Variants in MFRP observed in about 807,000 individuals in gnomAD.
The protein encoded by MFRP is C1q and TNF related 5.
A neutral mutation model predicts 65.8 loss-of-function variants in MFRP; 74 were observed. That is an observed-to-expected ratio of 1.12 (90% CI 0.93 to 1.36). The LOEUF (loss-of-function observed/expected upper bound fraction) is 1.36. Among genes scored for constraint, MFRP ranks in the 40% most tolerant of loss-of-function variants. The pLI is 0.00. For synonymous variants in MFRP, 336 were observed against 288.3 expected, an observed-to-expected ratio of 1.17 and a Z score of -1.68; for missense variants, 838 against 736.0, an observed-to-expected ratio of 1.14 and a Z score of -1.60.
Position 119,340,267 on chromosome 11 carries a change from T to C in MFRP, c.*1027A>G, listed in dbSNP as rs11538245. The stretch of plus-strand genomic sequence containing the variant: ...GCGGCCATCGCGGCCCGGCAAGCCC[T>C]GGCTGCCATGGTGGCCCGGCGTGCC... On this transcript the variant is annotated 3_prime_UTR_variant, in exon 14 of 15. Transcript: ENST00000619721. 1.3e-6 allele frequency: 2 copies of C among 1,526,592 alleles called. No homozygotes were observed. The highest frequency in any genetic ancestry group is 1.8e-6 in the Non-Finnish European group (2 of 1,139,076). The allele number at this position is 1,526,592 out of a possible 1,614,324, so 94.6% of individuals were successfully genotyped here.
rs565342229 is a variant in MFRP at position 119,341,432 on chromosome 11, G to A, written c.*116C>T. ...GGACTTCTCTTCCCCCTCCCTGGGAGCCCCAGAGAAGGATGGGTAGAGACC... is the reference window on the plus strand; with the variant it reads ...GGACTTCTCTTCCCCCTCCCTGGGAACCCCAGAGAAGGATGGGTAGAGACC... On this transcript the variant is annotated 3_prime_UTR_variant, in exon 13 of 15. Transcript: ENST00000619721. 3.5e-5 allele frequency: 29 copies of A among 835,064 alleles called. No individual in the cohort carries two copies. The African/African-American group carries it at 4.7e-4, about 14-fold the overall frequency. 51.7% of individuals were successfully genotyped at this position (835,064 alleles called of 1,614,324 possible). A position where few individuals can be genotyped will look rare whatever the true frequency, so the allele number is the denominator to read the frequency against.
chr11:119,344,434 G>A (rs756984694), intron 7 of MFRP, 43 bp from the exon 8 acceptor site: 10 of 1,591,714 alleles, frequency 6.3e-6, no homozygotes, highest in Admixed American at 1.7e-5. Flanking sequence ...TAGGATCTGT[G>A]CCTCCATCCA....
intron 8 of MFRP, 100 bp downstream of exon 8, chr11:119,344,215 G>C: frequency 2.5e-6 from 3 of 1,185,890 alleles, no homozygotes; most frequent in Non-Finnish European, 3.8e-6. Context: ...ACCTTCCCAA[G>C]TAGAAGGTAG....
chr11:119,341,387 G>A lies in MFRP; in HGVS notation c.*161C>T. 8 of 634,064 alleles carry A rather than the reference G, an allele frequency of 1.3e-5. No homozygotes were observed. In the South Asian group the frequency reaches 1.4e-4, roughly 11 times the overall value. 39.3% of individuals were successfully genotyped at this position (634,064 alleles called of 1,614,324 possible). Reference sequence around the variant, plus strand: ...AGGAAGGAGCAGGGAGGGTGGTAGGGTCCCATGAGCCCCAGCTGAGGACTT... The same window carrying A: ...AGGAAGGAGCAGGGAGGGTGGTAGGATCCCATGAGCCCCAGCTGAGGACTT... On this transcript the variant is annotated 3_prime_UTR_variant, in exon 13 of 15. Transcript: ENST00000619721.
rs1223287340 is a variant in MFRP, at chr11:119,346,047, G to A, written c.270C>T (p.Ala90=). 4 of 1,611,150 alleles carry A rather than the reference G, an allele frequency of 2.5e-6. No homozygotes were observed. The highest frequency in any genetic ancestry group is 3.4e-6 in the Non-Finnish European group (4 of 1,178,874). Residue 90 remains alanine, a splice_region_variant and synonymous_variant, in exon 3 of 15, where the codon GCC becomes GCT. Transcript: ENST00000619721. ...LLGLLVAIIL[A]QLQAAPPSGA... ...TTCAAGCTGTCCCCGGGTACTTACG[G>A]GCCAGGATGATGGCCACCAGCAGCC... is the stretch of plus-strand genomic sequence containing the variant.
rs757114094 is a variant in MFRP at position 119,343,969 on chromosome 11, G to A, written c.976-5C>T. On this transcript the variant is annotated splice_polypyrimidine_tract_variant and splice_region_variant and intron_variant, in intron 8 of 14. Coordinates refer to ENST00000619721, the MANE Select transcript of MFRP (RefSeq NM_031433.4). ...CGAGATATGCCAGGTGCAGAGCTGG[G>A]GGAGGGCATAGGTGGAGCAATTCAT... 4 of 1,612,138 alleles carry A rather than the reference G, an allele frequency of 2.5e-6. No homozygotes were observed. Among genetic ancestry groups the A allele is most frequent in the South Asian group, 1.1e-5 (1 of 91,004 alleles).
rs556112801 is a variant in MFRP at position 119,343,747 on chromosome 11, C to T, written c.1124+69G>A. The T allele has an allele frequency of 3.1e-4, 499 of 1,592,056 alleles. 6 individuals carry two copies. Among genetic ancestry groups the T allele is most frequent in the South Asian group, 2.8e-3 (252 of 90,328 alleles). ...AGCTGGAGAATGGAATGTGCTGGGC[C>T]GACATGGAAGCCGGGGGTGGCAGAC... On this transcript the variant is annotated intron_variant, in intron 9 of 14. Coordinates refer to ENST00000619721, the MANE Select transcript of MFRP (RefSeq NM_031433.4).
At chr11:119,345,678 T>C (rs1392578141) in intron 4 of MFRP, 45 bp from the exon 5 acceptor site, 1 of 1,611,800 alleles carries the variant, frequency 6.2e-7, no homozygotes, top group Non-Finnish European at 8.5e-7. Context: ...AGGAGTGAGG[T>C]CCTTTATTCT....
At chr11:119,344,040 C>A (rs1361962398) in intron 8 of MFRP, 76 bp from the exon 9 acceptor site, 4 of 1,583,536 alleles carry the variant, frequency 2.5e-6, no homozygotes, top group South Asian at 2.2e-5. Flanking sequence ...GGGTCTTCTT[C>A]CCCCACTGCT....
chr11:119,346,200 G>T, intron 2 of MFRP, 41 bp from the exon 3 acceptor site: 2 of 1,567,376 alleles, frequency 1.3e-6, no homozygotes, highest in Non-Finnish European at 1.7e-6. Flanking sequence ...CCCTTCTGTT[G>T]GGTATTCCTC....
chr11:119,344,283 C>A, intron 8 of MFRP, 32 bp downstream of exon 8: 1 of 1,599,416 alleles, frequency 6.3e-7, no homozygotes, highest in Non-Finnish European at 8.6e-7. Flanking sequence ...CCGTGTGTGC[C>A]CCTCCCGTTC....
In MFRP at chr11:119,339,505, G is replaced by A. The variant is rs758129925; in HGVS notation, c.*1454C>T. ...CCCCCCCCGAGAGCGAGGCTGGCTT[G>A]GGCCACCCCCCGAAAAACTGGAAGA... On this transcript the variant is annotated 3_prime_UTR_variant, in exon 15 of 15. Transcript: ENST00000619721. This position sits in a 1 kb window ranked among gnomAD's most constrained non-coding sequence, Gnocchi z 5.4. 1.2e-6 allele frequency: 2 copies of A among 1,613,688 alleles called. No individual in the cohort carries two copies. The highest frequency in any genetic ancestry group is 1.7e-6 in the Non-Finnish European group (2 of 1,179,994).
chr11:119,340,652 C>T, intron 13 of MFRP, 43 bp downstream of exon 13: 2 of 535,736 alleles, frequency 3.7e-6, no homozygotes, highest in Non-Finnish European at 3.3e-6. Flanking sequence ...GCCTTTCCCA[C>T]AGTCCCCTCC....
Position 119,343,875 on chromosome 11 carries a change from C to T in MFRP, c.1065G>A (p.Lys355=), listed in dbSNP as rs777649155. The T allele has an allele frequency of 3.1e-6, 5 of 1,613,986 alleles. No homozygotes were observed. Among genetic ancestry groups the T allele is most frequent in the Admixed American group, 1.7e-5 (1 of 60,020 alleles). Residue 355 remains lysine (K), a synonymous_variant, in exon 9 of 15, where the codon AAG becomes AAA. Transcript: ENST00000619721. The part of the protein sequence containing the change: ...NFSLEAQDEC[K]FDYVEVYETS... Reference sequence around the variant, plus strand: ...TCTCATACACCTCCACGTAGTCAAACTTGCACTCGTCCTGAGCCTCCAGGC... The same window carrying T: ...TCTCATACACCTCCACGTAGTCAAATTTGCACTCGTCCTGAGCCTCCAGGC...
chr11:119,342,795 T>C, intron 10 of MFRP, 68 bp from the exon 11 acceptor site: 1 of 1,613,090 alleles, frequency 6.2e-7, no homozygotes, highest in Admixed American at 1.7e-5. Context: ...CAGAGTGTCC[T>C]GACCAGGGTC....
At position 119,344,290 on chromosome 11, in the gene MFRP, G is replaced by A. The variant is rs373354558; in HGVS notation, c.975+25C>T. ...AGGTGCTTCCGTGTGTGCCCCTCCC[G>A]TTCTGCATGGAGCACTGTGCTTACC... On this transcript the variant is annotated intron_variant, in intron 8 of 14. Coordinates refer to ENST00000619721, the MANE Select transcript of MFRP (RefSeq NM_031433.4). 80 of 1,608,382 alleles carry A rather than the reference G, an allele frequency of 5.0e-5. No individual in the cohort carries two copies. The East Asian group carries it at 5.3e-4, about 11-fold the overall frequency.
In MFRP at chr11:119,343,958, T is replaced by G. The variant is rs750097436; in HGVS notation, c.982A>C (p.Thr328Pro). The part of the protein sequence containing the change: ...LQQYPHQLLC[T>P]WHISVPAGHS... ...CCGGCAGGCACCGAGATATGCCAGG[T>G]GCAGAGCTGGGGGAGGGCATAGGTG... Residue 328 changes from threonine to proline, a missense_variant, in exon 9 of 15, where the codon ACC (threonine) becomes CCC (proline). By Grantham distance (38) the Thr-to-Pro change is conservative (BLOSUM62 -1). Transcript: ENST00000619721. 1 of 1,611,226 alleles carries G rather than the reference T, an allele frequency of 6.2e-7. No homozygotes were observed. Among genetic ancestry groups the G allele is most frequent in the East Asian group, 2.2e-5 (1 of 44,814 alleles).
chr11:119,342,036 G>A (rs780782990), intron 11 of MFRP, 52 bp from the exon 12 acceptor site: 2 of 1,609,470 alleles, frequency 1.2e-6, no homozygotes, highest in South Asian at 1.1e-5. Context: ...TGGCTCTGTG[G>A]CCTGTGGCAA....
At position 119,341,489 on chromosome 11, in the gene MFRP, T is replaced by A. The variant is rs1950501852; in HGVS notation, c.*59A>T. ...ATGCTCCTTCCTTTGTTCCCCTGCGTGCCAGCCCTGACCGGCAAAAGAGGA... is the reference window on the plus strand; with the variant it reads ...ATGCTCCTTCCTTTGTTCCCCTGCGAGCCAGCCCTGACCGGCAAAAGAGGA... On this transcript the variant is annotated 3_prime_UTR_variant, in exon 13 of 15. Transcript: ENST00000619721. The A allele has an allele frequency of 2.1e-6, 3 of 1,429,442 alleles. No homozygotes were observed. The East Asian group carries it at 6.8e-5, about 33-fold the overall frequency. The allele number at this position is 1,429,442 out of a possible 1,614,324, so 88.5% of individuals were successfully genotyped here.
Sources: gnomAD v4.1 joint callset for allele counts on GRCh38, gnomAD v4.1.1 for gene constraint, Gnocchi (gnomAD v3.1) non-coding constraint, MANE v1.5 for transcripts, NCBI Gene and HGNC (gene_info 2026-07-23, HGNC 2026-07-21) for gene names.